The following FADS2 variants were observed in gnomAD, a reference collection of about 807,000 sequenced individuals.
FADS2 encodes fatty acid desaturase 2, also known as acyl-CoA 6-desaturase.
A neutral mutation model predicts 61.2 loss-of-function variants in FADS2; 18 were observed. That is an observed-to-expected ratio of 0.29 (90% CI 0.20 to 0.44). The LOEUF is 0.44. Among genes scored for constraint, FADS2 ranks in the 20% least tolerant of loss-of-function variants. The probability of loss-of-function intolerance (pLI) is 1.00; values close to 1 mark genes in which losing one functional copy is unlikely to be tolerated. For missense variants in FADS2, 322 were observed against 572.7 expected (o/e 0.56, Z 4.47); for synonymous variants, 203 against 223.9 (o/e 0.91, Z 0.83).
chr11:61,861,365 A>ACAAAAAAC (rs1555078417), intron 7 of FADS2, among the ~76,000 whole-genome samples: 15 of 130,828 alleles, frequency 1.1e-4, no homozygotes, highest in Admixed American at 9.5e-4. Context: ...AAAAAAAAAA[A>ACAAAAAAC]AAAAAACAGA....
chr11:61,816,251 C>T (rs2066981692), upstream of FADS2: 2 of 1,597,180 alleles, frequency 1.3e-6, no homozygotes, highest in South Asian at 1.1e-5. This position sits in a 1 kb window ranked among gnomAD's most constrained non-coding sequence, Gnocchi z 7.0. Flanking sequence ...GTTCTGTCCC[C>T]GCCCAGAGAC....
chr11:61,863,712 A>C lies in FADS2; in HGVS notation c.1083A>C (p.Thr361=), dbSNP rs536942401. The part of the protein sequence containing the change: ...AYRDWFSSQL[T]ATCNVEQSFF... ...CTCATCCCCTCCACTGACAGCTGACAGCCACCTGCAACGTGGAGCAGTCCT... is the reference window on the plus strand; with the variant it reads ...CTCATCCCCTCCACTGACAGCTGACCGCCACCTGCAACGTGGAGCAGTCCT... The change falls in exon 10 of 12, where the codon ACA becomes ACC. Residue 361 remains threonine (T), a synonymous_variant. Coordinates refer to ENST00000278840, the MANE Select transcript of FADS2 (RefSeq NM_004265.4). 2 of 1,613,860 alleles carry C rather than the reference A, an allele frequency of 1.2e-6. No individual in the cohort carries two copies. Among genetic ancestry groups the C allele is most frequent in the Non-Finnish European group, 8.5e-7 (1 of 1,179,714 alleles).
chr11:61,853,480 GTTC>G (rs966255688), intron 5 of FADS2, among the ~76,000 whole-genome samples: 2 of 152,000 alleles, frequency 1.3e-5, no homozygotes, highest in Admixed American at 6.6e-5. Context: ...GCCTTGTTTT[GTTC>G]TTCTTTTGCC....
At chr11:61,857,401 C>A (rs1013345951) in intron 6 of FADS2, 53 bp from the exon 7 acceptor site, 2 of 1,539,686 alleles carry the variant, frequency 1.3e-6, no homozygotes, top group South Asian at 1.1e-5. Flanking sequence ...CCTGACCTTC[C>A]GGCACAGGCA....
Position 61,828,584 on chromosome 11 carries a change from G to A in FADS2, c.194G>A (p.Gly65Glu), listed in dbSNP as rs751377474. The A allele has an allele frequency of 6.2e-7, 1 of 1,613,726 alleles. No individual in the cohort carries two copies. The highest frequency in any genetic ancestry group is 8.5e-7 in the Non-Finnish European group (1 of 1,179,900). Residue 65 changes from glycine to glutamate, a missense_variant, in exon 1 of 12, where the codon GGA becomes GAA. By Grantham distance (98) the Gly-to-Glu change is moderately conservative (BLOSUM62 -2). This residue lies in a region of FADS2 where 61 missense variants were observed against 107.4 expected (regional missense o/e 0.57). Transcript: ENST00000278840. The surrounding 1 kb of genome is among the most constrained non-coding windows in gnomAD (Gnocchi z 6.4). The part of the protein sequence containing the change: ...GGQRVIGHYA[G>E]EDATDAFRAF... Reference sequence around the variant, plus strand: ...CAGCGGGTCATCGGGCACTACGCTGGAGAAGATGCAACGGTAAGGGTCTGG... The same window carrying A: ...CAGCGGGTCATCGGGCACTACGCTGAAGAAGATGCAACGGTAAGGGTCTGG...
chr11:61,817,069 G>T (rs1591158164), intron 1 of FADS2: 3 of 1,052,016 alleles, frequency 2.9e-6, no homozygotes, highest in Non-Finnish European at 3.8e-6. Flanking sequence ...GACGTCAGGC[G>T]GGCATCGCGG....
At chr11:61,826,515 C>T, upstream of FADS2, 1 of 605,352 alleles carries the variant, frequency 1.7e-6, no homozygotes, top group South Asian at 1.9e-5. Context: ...TATGTTAATC[C>T]ATTTCTGAGA....
In FADS2 at chr11:61,816,828, C is replaced by G. The variant is rs1289250976; in HGVS notation, c.141+402C>G. 10 of 1,495,316 alleles carry G rather than the reference C, an allele frequency of 6.7e-6. No homozygotes were observed. The highest frequency in any genetic ancestry group is 8.0e-6 in the Non-Finnish European group (9 of 1,132,014). 92.6% of individuals were successfully genotyped at this position (1,495,316 alleles called of 1,614,324 possible). On this transcript the variant is annotated intron_variant, in intron 1 of 11. Transcript: ENST00000257261. The surrounding 1 kb of genome is among the most constrained non-coding windows in gnomAD (Gnocchi z 7.0). ...GGCGCGTGCTCGGGGTCCGCGGGCT[C>G]CAGGAGTGGATTTGCTGGCGCGCGC...
rs1285610951 is a variant in FADS2, at chr11:61,821,419, G to A, written c.141+4993G>A. The A allele has an allele frequency of 1.0e-5, 7 of 701,928 alleles. No individual in the cohort carries two copies. The Admixed American group carries it at 1.4e-4, about 14-fold the overall frequency. The allele number at this position is 701,928 out of a possible 1,614,324, so 43.5% of individuals were successfully genotyped here. A position where few individuals can be genotyped will look rare whatever the true frequency, so the allele number is the denominator to read the frequency against. ...AGACCTTAATGCCGATTGTAATGAAGCCATAATTGAATAACCTAACTGCCA... is the reference window on the plus strand; with the variant it reads ...AGACCTTAATGCCGATTGTAATGAAACCATAATTGAATAACCTAACTGCCA... On this transcript the variant is annotated intron_variant, in intron 1 of 11. Transcript: ENST00000257261.
intron 1 of FADS2, among the ~76,000 whole-genome samples, chr11:61,819,602 T>C (rs1034313623): frequency 6.6e-6 from 1 of 152,218 alleles, no homozygotes; most frequent in Admixed American, 6.5e-5. Context: ...AAGCAGTATC[T>C]ATGATAGCGG....
intron 7 of FADS2, among the ~76,000 whole-genome samples, chr11:61,861,210 C>T (rs570059010): frequency 5.3e-5 from 8 of 151,568 alleles, no homozygotes; most frequent in African/African-American, 1.9e-4. Flanking sequence ...AAAAATTATC[C>T]GGGCGTGGTG....
intron 5 of FADS2, among the ~76,000 whole-genome samples, chr11:61,853,133 C>T (rs550362509): frequency 7.9e-5 from 12 of 151,282 alleles, no homozygotes; most frequent in East Asian, 1.9e-4. Flanking sequence ...CCAGCCTGGG[C>T]GACAGAGTGA....
chr11:61,831,580 C>G (rs888332336), intron 1 of FADS2, among the ~76,000 whole-genome samples: 1 of 152,174 alleles, frequency 6.6e-6, no homozygotes, highest in Non-Finnish European at 1.5e-5. Context: ...GCAACTGTTA[C>G]GTGGTCCTTC....
Position 61,865,381 on chromosome 11 carries a change from G to C in FADS2, c.1283+104G>C, listed in dbSNP as rs1379519694. The C allele has an allele frequency of 7.1e-7, 1 of 1,408,738 alleles. No individual in the cohort carries two copies. The highest frequency in any genetic ancestry group is 9.6e-7 in the Non-Finnish European group (1 of 1,038,770). The allele number at this position is 1,408,738 out of a possible 1,614,324, so 87.3% of individuals were successfully genotyped here. A position where few individuals can be genotyped will look rare whatever the true frequency, so the allele number is the denominator to read the frequency against. On this transcript the variant is annotated intron_variant, in intron 11 of 11. Coordinates refer to ENST00000278840, the MANE Select transcript of FADS2 (RefSeq NM_004265.4). This position sits in a 1 kb window ranked among gnomAD's most constrained non-coding sequence, Gnocchi z 4.1. Reference sequence around the variant, plus strand: ...CCCTCCTGGCACAGTCACCCACCAGGGCACCTGCCTTACTCCCGAGCCTGT... The same window carrying C: ...CCCTCCTGGCACAGTCACCCACCAGCGCACCTGCCTTACTCCCGAGCCTGT...
At position 61,865,382 on chromosome 11, in the gene FADS2, G is replaced by A. The variant is rs1055801919; in HGVS notation, c.1283+105G>A. 2.9e-6 allele frequency: 4 copies of A among 1,400,568 alleles called. No homozygotes were observed. The African/African-American group carries it at 5.7e-5, about 20-fold the overall frequency. 86.8% of individuals were successfully genotyped at this position (1,400,568 alleles called of 1,614,324 possible). A position where few individuals can be genotyped will look rare whatever the true frequency, so the allele number is the denominator to read the frequency against. On this transcript the variant is annotated intron_variant, in intron 11 of 11. Coordinates refer to ENST00000278840, the MANE Select transcript of FADS2 (RefSeq NM_004265.4). The surrounding 1 kb of genome is among the most constrained non-coding windows in gnomAD (Gnocchi z 4.1). ...CCTCCTGGCACAGTCACCCACCAGG[G>A]CACCTGCCTTACTCCCGAGCCTGTG...
At chr11:61,823,481 T>C (rs1052296823), upstream of FADS2, among the ~76,000 whole-genome samples, 1 of 152,212 alleles carries the variant, frequency 6.6e-6, no homozygotes, top group Non-Finnish European at 1.5e-5. Flanking sequence ...CCATACCTTT[T>C]ATCAATGTCC....
chr11:61,861,371 A>AAC (rs1555078396), intron 7 of FADS2, among the ~76,000 whole-genome samples: 1 of 106,458 alleles, frequency 9.4e-6, no homozygotes, highest in African/African-American at 3.2e-5. Context: ...AAAAAAAAAA[A>AAC]CAGAAATTAG....
At chr11:61,851,772 G>GC (rs2067309061) in intron 5 of FADS2, among the ~76,000 whole-genome samples, 1 of 152,246 alleles carries the variant, frequency 6.6e-6, no homozygotes, top group East Asian at 1.9e-4. Flanking sequence ...GCGGCTCCCA[G>GC]CACGTGGAAC....
intron 1 of FADS2, among the ~76,000 whole-genome samples, chr11:61,837,195 C>T (rs1053525822): frequency 6.6e-6 from 1 of 152,170 alleles, no homozygotes; most frequent in Admixed American, 6.5e-5. Flanking sequence ...AATCCAGCTA[C>T]CTTAACATGT....
Sources: allele counts gnomAD v4.1 joint callset (sites outside exome capture counted in the v4.1 genomes callset), GRCh38; gene constraint gnomAD v4.1.1; regional missense constraint gnomAD v4.1.1; non-coding constraint Gnocchi (gnomAD v3.1); transcripts MANE v1.5; gene names NCBI Gene and HGNC (gene_info 2026-07-23, HGNC 2026-07-21).